The following ITPRID1 variants were observed in gnomAD, a reference collection of about 807,000 sequenced individuals.
The protein encoded by ITPRID1 is protein ITPRID1.
A neutral mutation model predicts 95.4 loss-of-function variants in ITPRID1; 96 were observed. That is an observed-to-expected ratio of 1.01 (90% CI 0.85 to 1.19). The LOEUF (loss-of-function observed/expected upper bound fraction) is 1.19, where lower values mean the gene tolerates loss of function less well. ITPRID1 is among the 50% of genes most tolerant of loss of function. The probability of loss-of-function intolerance (pLI) is 0.00; values close to 1 mark genes in which losing one functional copy is unlikely to be tolerated. For synonymous variants in ITPRID1, 510 were observed against 453.6 expected, an observed-to-expected ratio of 1.12 and a Z score of -1.58; for missense variants, 1,339 against 1,252.9, an observed-to-expected ratio of 1.07 and a Z score of -1.04.
chr7:31,580,852 TTG>T (rs1020298293), intron 9 of ITPRID1, among the ~76,000 whole-genome samples: 1 of 152,162 alleles, frequency 6.6e-6, no homozygotes, highest in African/African-American at 2.4e-5. Flanking sequence ...GTTCTAGGAT[TTG>T]TGTGTGTGAG....
chr7:31,604,081 T>C (rs1411689116), intron 10 of ITPRID1, among the ~76,000 whole-genome samples: 1 of 152,222 alleles, frequency 6.6e-6, no homozygotes, highest in Non-Finnish European at 1.5e-5. Flanking sequence ...AAGGACCCTT[T>C]GCATGCATCT....
At chr7:31,533,036 A>G (rs1424178728) in intron 1 of ITPRID1, among the ~76,000 whole-genome samples, 1 of 151,750 alleles carries the variant, frequency 6.6e-6, no homozygotes, top group African/African-American at 2.4e-5. Flanking sequence ...AATTGAAAAT[A>G]TTTTTTTTCT....
At chr7:31,596,676 A>C (rs1357262946) in intron 10 of ITPRID1, among the ~76,000 whole-genome samples, 1 of 151,590 alleles carries the variant, frequency 6.6e-6, no homozygotes, top group Admixed American at 6.6e-5. Context: ...ACCAACAGAA[A>C]TTGAAGATAG....
At chr7:31,599,686 C>CTTTTTTTGATGGAG (rs1434474880) in intron 10 of ITPRID1, among the ~76,000 whole-genome samples, 1 of 138,234 alleles carries the variant, frequency 7.2e-6, no homozygotes, top group Non-Finnish European at 1.5e-5. Context: ...CTCTCTCTCT[C>CTTTTTTTGATGGAG]TCTCTCTTTC....
intron 10 of ITPRID1, among the ~76,000 whole-genome samples, chr7:31,594,086 T>C (rs1421962414): frequency 1.3e-5 from 2 of 152,228 alleles, no homozygotes; most frequent in African/African-American, 4.8e-5. Context: ...CACCATATTT[T>C]AACTGTACCT....
intron 1 of ITPRID1, among the ~76,000 whole-genome samples, chr7:31,522,967 G>A (rs568889847): frequency 6.6e-6 from 1 of 152,236 alleles, no homozygotes; most frequent in East Asian, 1.9e-4. Context: ...CACCTATATT[G>A]TATGGGGAAA....
chr7:31,530,460 C>T (rs1783559893), intron 1 of ITPRID1, among the ~76,000 whole-genome samples: 1 of 152,082 alleles, frequency 6.6e-6, no homozygotes, highest in African/African-American at 2.4e-5. Flanking sequence ...AGTTTTAGAT[C>T]AATAGCGTAT....
At chr7:31,564,805 A>C (rs1295862593) in intron 5 of ITPRID1, among the ~76,000 whole-genome samples, 2 of 152,180 alleles carry the variant, frequency 1.3e-5, no homozygotes, top group Non-Finnish European at 2.9e-5. Context: ...ATTGGAGAGC[A>C]GGTTGCCTTC....
chr7:31,658,614 G>C (rs1420384991), downstream of ITPRID1: 2 of 275,882 alleles, frequency 7.2e-6, no homozygotes. Flanking sequence ...GTTATTAAAA[G>C]CCTTGTTAAA....
chr7:31,557,457 G>A (rs1220800760), intron 5 of ITPRID1, among the ~76,000 whole-genome samples: 1 of 152,108 alleles, frequency 6.6e-6, no homozygotes, highest in Middle Eastern at 3.2e-3. Context: ...TGGCCAACAT[G>A]AGGCTTGGCC....
chr7:31,642,076 G>T lies in ITPRID1; in HGVS notation c.1229-100G>T, dbSNP rs1790068095. ...TTTCTTCCACACAGTGGGCATTTCT[G>T]CAGGATCCATGGTGTGTCAGGCACC... On this transcript the variant is annotated intron_variant, in intron 10 of 14. Transcript: ENST00000615280. 5 of 671,308 alleles carry T rather than the reference G, an allele frequency of 7.4e-6. No individual in the cohort carries two copies. The South Asian group carries it at 1.2e-4, about 16-fold the overall frequency. The allele number at this position is 671,308 out of a possible 1,614,324, so 41.6% of individuals were successfully genotyped here. A position where few individuals can be genotyped will look rare whatever the true frequency, so the allele number is the denominator to read the frequency against.
intron 10 of ITPRID1, among the ~76,000 whole-genome samples, chr7:31,597,114 C>T (rs1786121945): frequency 6.6e-6 from 1 of 151,914 alleles, no homozygotes; most frequent in Admixed American, 6.6e-5. Context: ...CAAACAAAAA[C>T]TCTCTGCAAG....
In ITPRID1 at chr7:31,642,229, G is replaced by T. The variant is rs367919427; in HGVS notation, c.1282G>T (p.Glu428Ter). 3.1e-5 allele frequency: 48 copies of T among 1,557,878 alleles called. No individual in the cohort carries two copies. The East Asian group carries it at 3.4e-4, about 11-fold the overall frequency. ...CCAGTCTGACAGCAGCGGGTTCCTG[G>T]AGGAGCCGCTGGAACCGCTGCCCCT... is the stretch of plus-strand genomic sequence containing the variant. ...SCQSDSSGFL[E>*]EPLEPLPLQM... Residue 428 changes from glutamate (E) to a stop codon, truncating the protein, a stop_gained, in exon 11 of 15, where the codon GAG (glutamate) becomes TAG (stop). Coordinates refer to ENST00000615280, the MANE Select transcript of ITPRID1 (RefSeq NM_001257967.3). LOFTEE classifies it high-confidence loss of function.
intron 10 of ITPRID1, among the ~76,000 whole-genome samples, chr7:31,609,077 C>T (rs866538704): frequency 9.2e-5 from 14 of 151,550 alleles, no homozygotes; most frequent in African/African-American, 1.4e-4. Flanking sequence ...TCAATTGAGG[C>T]GGCCATGTGG....
chr7:31,541,107 T>G lies in ITPRID1; in HGVS notation c.-97-8319T>G, dbSNP rs1331775676. Among the ~76,000 whole-genome samples, 4 of 152,228 alleles carry G rather than the reference T, an allele frequency of 2.6e-5. No individual in the cohort carries two copies. In the East Asian group the frequency reaches 7.7e-4, roughly 29 times the overall value. On this transcript the variant is annotated intron_variant, in intron 1 of 14. Transcript: ENST00000615280. ...AAAATCAGGTAAAGAGAAACAAGTA[T>G]GCTCCAAATTTTGTTCATGGGAGTA... is the stretch of plus-strand genomic sequence containing the variant.
chr7:31,583,178 T>C lies in ITPRID1; in HGVS notation c.1215T>C (p.Thr405=), dbSNP rs1412639355. 1 of 1,610,248 alleles carries C rather than the reference T, an allele frequency of 6.2e-7. No individual in the cohort carries two copies. The highest frequency in any genetic ancestry group is 1.3e-5 in the African/African-American group (1 of 74,860). The change falls in exon 10 of 15, where the codon ACT becomes ACC. Residue 405 remains threonine, a synonymous_variant. Transcript: ENST00000615280. ...AGACTGGTAATCCTCTTGACATGAC[T>C]TCAGGAACTGTAGGTAAGAATTCAT... ...EEETGNPLDM[T]SGTVGARVDR...
rs1057345226 is a variant in ITPRID1, at chr7:31,574,745, A to G, written c.598+3A>G. 2 of 1,613,460 alleles carry G rather than the reference A, an allele frequency of 1.2e-6. No individual in the cohort carries two copies. The highest frequency in any genetic ancestry group is 1.7e-6 in the Non-Finnish European group (2 of 1,179,660). On this transcript the variant is annotated splice_donor_region_variant and intron_variant, in intron 8 of 14. Coordinates refer to ENST00000615280, the MANE Select transcript of ITPRID1 (RefSeq NM_001257967.3). ...CATTGAGAACCCCAACTTGTACGGTAAGCGAGGTGCCTGTGGCATTCGCAT... is the reference window on the plus strand; with the variant it reads ...CATTGAGAACCCCAACTTGTACGGTGAGCGAGGTGCCTGTGGCATTCGCAT...
At position 31,517,134 on chromosome 7, in the gene ITPRID1, G is replaced by A. The variant is rs866013791; in HGVS notation, c.-98+3014G>A. 6.6e-5 allele frequency among the ~76,000 whole-genome samples: 10 copies of A among 152,304 alleles called. No individual in the cohort carries two copies. In the South Asian group the frequency reaches 8.3e-4, roughly 13 times the overall value. Reference sequence around the variant, plus strand: ...ACAAAGCAAACCTAGCAGATTTCAGGTTTTGGTTCGGGTGGCCTGCTTTTA... The same window carrying A: ...ACAAAGCAAACCTAGCAGATTTCAGATTTTGGTTCGGGTGGCCTGCTTTTA... On this transcript the variant is annotated intron_variant, in intron 1 of 14. Coordinates refer to ENST00000615280, the MANE Select transcript of ITPRID1 (RefSeq NM_001257967.3).
At chr7:31,542,643 T>C (rs1783970304) in intron 1 of ITPRID1, among the ~76,000 whole-genome samples, 1 of 152,210 alleles carries the variant, frequency 6.6e-6, no homozygotes, top group African/African-American at 2.4e-5. Flanking sequence ...AAGATGTAGC[T>C]ATCTTCATTA....
Sources: gnomAD v4.1 joint callset for allele counts (sites outside exome capture counted in the v4.1 genomes callset) on GRCh38, gnomAD v4.1.1 for gene constraint, MANE v1.5 for transcripts, NCBI Gene and HGNC (gene_info 2026-07-23, HGNC 2026-07-21) for gene names.